AP1G1: variants seen among roughly 807,000 people sequenced by gnomAD.
The protein encoded by AP1G1 is AP-1 complex subunit gamma-1.
Under a neutral mutation model 108.3 loss-of-function variants are expected in AP1G1, and 7 were observed. The observed-to-expected ratio is 0.06, with a 90% confidence interval of 0.04 to 0.12. The LOEUF (loss-of-function observed/expected upper bound fraction) is 0.12, where lower values mean the gene tolerates loss of function less well. Among genes scored for constraint, AP1G1 ranks in the 10% least tolerant of loss-of-function variants. AP1G1 has a pLI of 1.00. For missense variants in AP1G1, 756 were observed against 1,010.7 expected, an observed-to-expected ratio of 0.75 and a Z score of 3.42; for synonymous variants, 379 against 353.5, an observed-to-expected ratio of 1.07 and a Z score of -0.81.
chr16:71,731,774 A>T lies in AP1G1; in HGVS notation c.*1284T>A, dbSNP rs1313448071. On this transcript the variant is annotated 3_prime_UTR_variant, in exon 23 of 23. Transcript: ENST00000299980. The stretch of plus-strand genomic sequence containing the variant: ...TAAAAGAGACCAATTTCTCAGACTG[A>T]GGAAAGGCTATTCCTACCCTATGGT... 1 of 152,654 alleles carries T rather than the reference A, an allele frequency of 6.6e-6. No individual in the cohort carries two copies. Among genetic ancestry groups the T allele is most frequent in the Non-Finnish European group, 1.5e-5 (1 of 68,032 alleles). 9.5% of individuals were successfully genotyped at this position (152,654 alleles called of 1,614,324 possible).
Position 71,731,326 on chromosome 16 carries a change from T to A in AP1G1, c.*1732A>T, listed in dbSNP as rs1183232957. ...TTTCCCGTGGAGCCTTTAGTTCAAC[T>A]CCAGTTTGTCAAATGTTAGGAATAT... On this transcript the variant is annotated 3_prime_UTR_variant, in exon 23 of 23. Transcript: ENST00000299980. 1 of 152,608 alleles carries A rather than the reference T, an allele frequency of 6.6e-6. No individual in the cohort carries two copies. Among genetic ancestry groups the A allele is most frequent in the Admixed American group, 6.5e-5 (1 of 15,278 alleles). 9.5% of individuals were successfully genotyped at this position (152,608 alleles called of 1,614,324 possible). A position where few individuals can be genotyped will look rare whatever the true frequency, so the allele number is the denominator to read the frequency against.
intron 2 of AP1G1, among the ~76,000 whole-genome samples, chr16:71,786,959 G>A (rs1030610986): frequency 4.0e-5 from 6 of 151,848 alleles, no homozygotes; most frequent in African/African-American, 1.5e-4. Context: ...AGTGAGCCCA[G>A]TAGAAAGTAA....
intron 6 of AP1G1, chr16:71,766,452 G>T (rs1391516436): frequency 8.6e-6 from 4 of 467,374 alleles, no homozygotes; most frequent in Middle Eastern, 6.6e-4. Context: ...CATTTCTGTT[G>T]ATCAATTACT....
rs569990186 is a variant in AP1G1, at chr16:71,729,784, T to A, written c.*3274A>T. 2 of 152,712 alleles carry A rather than the reference T, an allele frequency of 1.3e-5. No individual in the cohort carries two copies. Among genetic ancestry groups the A allele is most frequent in the South Asian group, 2.1e-4 (1 of 4,822 alleles). 9.5% of individuals were successfully genotyped at this position (152,712 alleles called of 1,614,324 possible). ...ACTACAAAGTTCATGAACACCCACT[T>A]TTTCCTCTCTAGTTTTCTCAGTTTA... On this transcript the variant is annotated 3_prime_UTR_variant, in exon 23 of 23. Transcript: ENST00000299980.
Position 71,753,903 on chromosome 16 carries a change from G to C in AP1G1, c.1230-16C>G, listed in dbSNP as rs2030635406. The C allele has an allele frequency of 6.2e-7, 1 of 1,612,734 alleles. No homozygotes were observed. The highest frequency in any genetic ancestry group is 8.5e-7 in the Non-Finnish European group (1 of 1,178,958). ...AGGTGCATACCTGAAAAAAACAATG[G>C]AAAGGGACACTTGGAACCAGTAAAA... On this transcript the variant is annotated splice_polypyrimidine_tract_variant and intron_variant, in intron 12 of 22. Coordinates refer to ENST00000299980, the MANE Select transcript of AP1G1 (RefSeq NM_001128.6).
chr16:71,780,496 T>TA lies in AP1G1; in HGVS notation c.202-5905_202-5904insT, dbSNP rs1291795204. ...ACAGAGTAAGATCCTGTCTCTTAATTTAAAAAAAAAAAAAAAAAAAATTGC... is the reference window on the plus strand; with the variant it reads ...ACAGAGTAAGATCCTGTCTCTTAATTATAAAAAAAAAAAAAAAAAAAATTGC... On this transcript the variant is annotated intron_variant, in intron 2 of 22. Coordinates refer to ENST00000299980, the MANE Select transcript of AP1G1 (RefSeq NM_001128.6). 3.0e-3 allele frequency among the ~76,000 whole-genome samples: 351 copies of TA among 117,316 alleles called. 2 individuals carry two copies. The highest frequency in any genetic ancestry group is 0.012 in the African/African-American group (320 of 25,878). The allele number at this position is 117,316 out of a possible 152,430, so 77.0% of individuals were successfully genotyped here. A position where few individuals can be genotyped will look rare whatever the true frequency, so the allele number is the denominator to read the frequency against.
rs545803584 is a variant in AP1G1, at chr16:71,785,384, T to C, written c.201+3895A>G. On this transcript the variant is annotated intron_variant, in intron 2 of 22. Coordinates refer to ENST00000299980, the MANE Select transcript of AP1G1 (RefSeq NM_001128.6). Reference sequence around the variant, plus strand: ...TGAGGTCAGGAGTTCAAGACTAGTCTGGACAACATGGTGAAACCCTGTCTC... The same window carrying C: ...TGAGGTCAGGAGTTCAAGACTAGTCCGGACAACATGGTGAAACCCTGTCTC... Among the ~76,000 whole-genome samples the C allele has an allele frequency of 2.4e-4, 37 of 151,932 alleles. No individual in the cohort carries two copies. The East Asian group carries it at 7.0e-3, about 29-fold the overall frequency.
At chr16:71,778,015 C>A (rs544534593) in intron 2 of AP1G1, among the ~76,000 whole-genome samples, 21 of 152,326 alleles carry the variant, frequency 1.4e-4, no homozygotes, top group Admixed American at 1.2e-3. Flanking sequence ...CTGACGAATA[C>A]AAGCTGTTTT....
In AP1G1 at chr16:71,776,535, T is replaced by C. The variant is rs565293224; in HGVS notation, c.202-1943A>G. On this transcript the variant is annotated intron_variant, in intron 2 of 22. Transcript: ENST00000299980. ...AGCTAAAATATTATCAAACAAACCT[T>C]ACTCTTTTTCAAACTGGTTTTTCAA... Among the ~76,000 whole-genome samples, 7 of 152,320 alleles carry C rather than the reference T, an allele frequency of 4.6e-5. No individual in the cohort carries two copies. The South Asian group carries it at 1.4e-3, about 32-fold the overall frequency.
At chr16:71,770,512 C>G (rs947659623) in intron 5 of AP1G1, among the ~76,000 whole-genome samples, 1 of 152,252 alleles carries the variant, frequency 6.6e-6, no homozygotes, top group African/African-American at 2.4e-5. Context: ...GGGTCTGGCT[C>G]TGTAGCCCAG....
rs748745747 is a variant in AP1G1 at position 71,808,797 on chromosome 16, G to A, written c.-38C>T. 4.7e-6 allele frequency: 6 copies of A among 1,289,644 alleles called. No homozygotes were observed. Among genetic ancestry groups the A allele is most frequent in the South Asian group, 1.2e-5 (1 of 81,028 alleles). 79.9% of individuals were successfully genotyped at this position (1,289,644 alleles called of 1,614,324 possible). On this transcript the variant is annotated 5_prime_UTR_variant, in exon 1 of 23. Coordinates refer to ENST00000299980, the MANE Select transcript of AP1G1 (RefSeq NM_001128.6). ...ACCTCGAATGAAACCAGCAGCTCCG[G>A]GGGCGGCGGCAGCAGTGGCAGCAGG... is the stretch of plus-strand genomic sequence containing the variant.
chr16:71,747,790 T>C (rs998733949), intron 16 of AP1G1, among the ~76,000 whole-genome samples: 2 of 152,030 alleles, frequency 1.3e-5, no homozygotes, highest in African/African-American at 4.8e-5. Flanking sequence ...GAGACCAGCC[T>C]GGGCAAACAA....
chr16:71,745,668 C>A, intron 17 of AP1G1, 54 bp from the exon 18 acceptor site: 1 of 1,462,874 alleles, frequency 6.8e-7, no homozygotes, highest in Non-Finnish European at 9.6e-7. Context: ...ATTCCCTACC[C>A]AAAATAATCA....
intron 11 of AP1G1, among the ~76,000 whole-genome samples, chr16:71,756,550 A>G (rs754487167): frequency 2.6e-5 from 4 of 152,228 alleles, no homozygotes; most frequent in African/African-American, 4.8e-5. Flanking sequence ...AAAATGTGAC[A>G]TGTTAAGTCA....
At chr16:71,750,695 C>T (rs550585923) in intron 13 of AP1G1, among the ~76,000 whole-genome samples, 50 of 151,766 alleles carry the variant, frequency 3.3e-4, no homozygotes, top group African/African-American at 1.1e-3. Context: ...GGATTACAGG[C>T]GTGTGCCACT....
Position 71,756,055 on chromosome 16 carries a change from G to T in AP1G1, c.1193C>A (p.Ala398Glu). 6.2e-7 allele frequency: 1 copy of T among 1,613,246 alleles called. No homozygotes were observed. The highest frequency in any genetic ancestry group is 8.5e-7 in the Non-Finnish European group (1 of 1,179,630). The change falls in exon 12 of 23, where the codon GCA (alanine) becomes GAA (glutamate). Residue 398 changes from alanine to glutamate, a missense_variant. Ala to Glu is a moderately radical substitution (Grantham distance 107). Coordinates refer to ENST00000299980, the MANE Select transcript of AP1G1 (RefSeq NM_001128.6). ...FLDSCEPEFK[A>E]DCASGIFLAA... ...AAGAAAGATTCCAGATGCACAGTCT[G>T]CTTTAAATTCTGGCTCACACGAATC...
intron 1 of AP1G1, among the ~76,000 whole-genome samples, chr16:71,794,734 C>T (rs929170532): frequency 1.3e-5 from 2 of 150,110 alleles, no homozygotes; most frequent in Non-Finnish European, 3.0e-5. Flanking sequence ...AAATTTATGG[C>T]CAAAATGGTG....
intron 1 of AP1G1, among the ~76,000 whole-genome samples, chr16:71,803,760 A>G (rs2032892136): frequency 6.6e-6 from 1 of 152,048 alleles, no homozygotes; most frequent in South Asian, 2.1e-4. Flanking sequence ...CCCTGTCTCT[A>G]CTAAAAATAC....
chr16:71,803,711 G>C (rs2032890237), intron 1 of AP1G1, among the ~76,000 whole-genome samples: 2 of 152,084 alleles, frequency 1.3e-5, no homozygotes, highest in South Asian at 4.1e-4. Context: ...GATCACTTGA[G>C]CCCAGGAATT....
Sources: allele counts gnomAD v4.1 joint callset (sites outside exome capture counted in the v4.1 genomes callset), GRCh38; gene constraint gnomAD v4.1.1; transcripts MANE v1.5; gene names NCBI Gene and HGNC (gene_info 2026-07-23, HGNC 2026-07-21).